LIN52: variants seen among roughly 807,000 people sequenced by gnomAD.
LIN52 encodes the protein protein lin-52 homolog.
Under a neutral mutation model 18.5 loss-of-function variants are expected in LIN52, and 4 were observed. The observed-to-expected ratio is 0.22, with a 90% CI of 0.11 to 0.49. The LOEUF is 0.49. Ranked by LOEUF, LIN52 falls within the 20% of genes least tolerant of loss-of-function variation. The pLI, the probability that LIN52 is intolerant of heterozygous loss-of-function variation, is 0.97. For missense variants in LIN52, 102 were observed against 139.5 expected (o/e 0.73, Z 1.35); for synonymous variants, 34 against 45.5 (o/e 0.75, Z 1.02).
chr14:74,151,646 A>G (rs1399445561), intron 5 of LIN52, among the ~76,000 whole-genome samples: 2 of 152,264 alleles, frequency 1.3e-5, no homozygotes, highest in East Asian at 3.9e-4. Context: ...TCTTTGCCAT[A>G]TGGGGGTTTT....
rs189565807 is a variant in LIN52, at chr14:74,092,195, C to T, written c.94+889C>T. On this transcript the variant is annotated intron_variant, in intron 2 of 5. Transcript: ENST00000555028. ...CCATGTTGGCCAGGCTGGTCTCGAA[C>T]TCCTGACCTCAGGTGATCCACCTGC... 6.2e-3 allele frequency among the ~76,000 whole-genome samples: 946 copies of T among 151,374 alleles called. 12 individuals carry two copies. Among genetic ancestry groups the T allele is most frequent in the African/African-American group, 0.022 (900 of 41,202 alleles).
chr14:74,156,168 G>C (rs1315695940), intron 5 of LIN52, among the ~76,000 whole-genome samples: 3 of 152,150 alleles, frequency 2.0e-5, no homozygotes, highest in Non-Finnish European at 4.4e-5. Flanking sequence ...TTTAAGCCAG[G>C]TAAAGTCATA....
rs1566873846 is a variant in LIN52, at chr14:74,200,788, C to A, written c.*1811C>A. 6.7e-6 allele frequency: 1 copy of A among 148,516 alleles called. No individual in the cohort carries two copies. Among genetic ancestry groups the A allele is most frequent in the Non-Finnish European group, 1.5e-5 (1 of 67,150 alleles). The allele number at this position is 148,516 out of a possible 1,614,324, so 9.2% of individuals were successfully genotyped here. Reference sequence around the variant, plus strand: ...TATCGATTGATATTTCTGTATCTCACTAAATGCGGTTGAAGAGTGTGTGTG... The same window carrying A: ...TATCGATTGATATTTCTGTATCTCAATAAATGCGGTTGAAGAGTGTGTGTG... On this transcript the variant is annotated 3_prime_UTR_variant, in exon 6 of 6. Transcript: ENST00000555028.
chr14:74,125,648 A>T (rs1595165700), intron 5 of LIN52, among the ~76,000 whole-genome samples: 1 of 152,070 alleles, frequency 6.6e-6, no homozygotes, highest in Non-Finnish European at 1.5e-5. Context: ...CAAATGTCCA[A>T]CAATGATAGA....
At chr14:74,129,432 G>C (rs972992681) in intron 5 of LIN52, among the ~76,000 whole-genome samples, 3 of 152,188 alleles carry the variant, frequency 2.0e-5, no homozygotes, top group African/African-American at 7.2e-5. Context: ...GATTGGAAGA[G>C]AGCTACTTTG....
chr14:74,169,613 A>G (rs1675830586), intron 5 of LIN52, among the ~76,000 whole-genome samples: 1 of 152,184 alleles, frequency 6.6e-6, no homozygotes, highest in African/African-American at 2.4e-5. Context: ...GTTGTTATTT[A>G]TGATGTTAGT....
chr14:74,129,289 A>G (rs1199412545), intron 5 of LIN52, among the ~76,000 whole-genome samples: 2 of 152,206 alleles, frequency 1.3e-5, no homozygotes, highest in African/African-American at 2.4e-5. Context: ...TTAAATCTCA[A>G]TGCCACGATA....
chr14:74,144,491 CT>C (rs2139548447), intron 5 of LIN52, among the ~76,000 whole-genome samples: 1 of 152,248 alleles, frequency 6.6e-6, no homozygotes, highest in East Asian at 1.9e-4. Flanking sequence ...CAAAAAGATT[CT>C]TTTTCTGGTA....
chr14:74,127,041 C>G (rs1403790510), intron 5 of LIN52, among the ~76,000 whole-genome samples: 2 of 152,166 alleles, frequency 1.3e-5, no homozygotes, highest in Non-Finnish European at 2.9e-5. Context: ...GAATAGAAGA[C>G]CTCTAAGGTC....
intron 5 of LIN52, among the ~76,000 whole-genome samples, chr14:74,149,249 G>C (rs2061166153): frequency 6.6e-6 from 1 of 152,130 alleles, no homozygotes; most frequent in African/African-American, 2.4e-5. Context: ...GGCTTGGCAG[G>C]CTTTGACCCA....
At chr14:74,151,122 T>C (rs2061175292) in intron 5 of LIN52, among the ~76,000 whole-genome samples, 1 of 152,200 alleles carries the variant, frequency 6.6e-6, no homozygotes, top group African/African-American at 2.4e-5. Context: ...ATGAATGTGA[T>C]TCAGTAGATG....
chr14:74,095,335 A>C (rs1324120470), intron 2 of LIN52, among the ~76,000 whole-genome samples: 1 of 147,908 alleles, frequency 6.8e-6, no homozygotes, highest in African/African-American at 2.5e-5. Flanking sequence ...GGGTTTCACT[A>C]TATTGCCCAG....
At chr14:74,153,669 C>T (rs905347397) in intron 5 of LIN52, among the ~76,000 whole-genome samples, 9 of 151,960 alleles carry the variant, frequency 5.9e-5, no homozygotes, top group South Asian at 2.1e-4. Flanking sequence ...CTCAGCCTCC[C>T]GATAGCTGGG....
intron 5 of LIN52, among the ~76,000 whole-genome samples, chr14:74,130,278 G>GTTTGTTTGTTTTTTTTTTTTTTTTTT (rs1555382571): frequency 1.5e-5 from 1 of 64,842 alleles, no homozygotes; most frequent in African/African-American, 6.3e-5. Context: ...GCATTTTTTG[G>GTTTGTTTGTTTTTTTTTTTTTTTTTT]TTTTTTTTTT....
At chr14:74,117,754 T>C (rs567403568) in intron 5 of LIN52, among the ~76,000 whole-genome samples, 94 of 152,316 alleles carry the variant, frequency 6.2e-4, no homozygotes, top group Admixed American at 1.5e-3. Context: ...CACTGGTTTG[T>C]GTTGATAATA....
At chr14:74,100,754 G>T (rs1198686847) in intron 4 of LIN52, among the ~76,000 whole-genome samples, 1 of 152,142 alleles carries the variant, frequency 6.6e-6, no homozygotes, top group Non-Finnish European at 1.5e-5. Context: ...AGGATTACAG[G>T]CATGAGCCAC....
intron 5 of LIN52, among the ~76,000 whole-genome samples, chr14:74,175,463 C>T (rs974380041): frequency 6.6e-6 from 1 of 151,552 alleles, no homozygotes; most frequent in Non-Finnish European, 1.5e-5. Flanking sequence ...TGTAGCGAGG[C>T]CCCAGGATCA....
intron 5 of LIN52, among the ~76,000 whole-genome samples, chr14:74,172,226 G>T (rs1190903084): frequency 6.6e-6 from 1 of 152,080 alleles, no homozygotes; most frequent in Non-Finnish European, 1.5e-5. Context: ...TCTCTAGTCT[G>T]TGAACTCCTT....
chr14:74,122,636 TG>T (rs1423103171), intron 5 of LIN52, among the ~76,000 whole-genome samples: 2 of 152,150 alleles, frequency 1.3e-5, no homozygotes, highest in Non-Finnish European at 2.9e-5. Flanking sequence ...GAGGCCAAGA[TG>T]GGCAGATCAC....
Sources: allele counts gnomAD v4.1 joint callset (sites outside exome capture counted in the v4.1 genomes callset), GRCh38; gene constraint gnomAD v4.1.1; transcripts MANE v1.5; gene names NCBI Gene and HGNC (gene_info 2026-07-23, HGNC 2026-07-21).